PPM1H: variants seen among roughly 807,000 people sequenced by gnomAD.
PPM1H encodes protein phosphatase, Mg2+/Mn2+ dependent 1H.
In PPM1H, 27 loss-of-function variants were observed where a neutral mutation model predicts 54.9. The ratio of observed to expected loss-of-function variants is 0.49; its 90% confidence interval spans 0.36 to 0.68. The LOEUF (loss-of-function observed/expected upper bound fraction) is 0.68, where lower values mean the gene tolerates loss of function less well. Ranked by LOEUF, PPM1H falls within the 30% of genes least tolerant of loss-of-function variation. The pLI is 0.00. For missense variants in PPM1H, 596 were observed against 667.8 expected, an observed-to-expected ratio of 0.89 and a Z score of 1.19; for synonymous variants, 305 against 270.8, an observed-to-expected ratio of 1.13 and a Z score of -1.24.
intron 4 of PPM1H, among the ~76,000 whole-genome samples, chr12:62,746,442 G>A (rs1199065939): frequency 2.0e-5 from 3 of 152,100 alleles, no homozygotes; most frequent in Non-Finnish European, 2.9e-5. Context: ...AACCACCACT[G>A]ACAACTCAAT....
chr12:62,745,719 G>A (rs989593835), intron 4 of PPM1H, among the ~76,000 whole-genome samples: 1 of 152,192 alleles, frequency 6.6e-6, no homozygotes, highest in Non-Finnish European at 1.5e-5. Context: ...AAAACTGTCT[G>A]TACTTTTCTA....
chr12:62,725,676 A>G (rs974689104), intron 5 of PPM1H, among the ~76,000 whole-genome samples: 5 of 152,150 alleles, frequency 3.3e-5, no homozygotes, highest in Non-Finnish European at 7.3e-5. Context: ...TCTCTTGTTT[A>G]TCTTGTCTTT....
chr12:62,654,286 A>G (rs7979878), intron 9 of PPM1H, among the ~76,000 whole-genome samples: 58,245 of 148,920 alleles, frequency 0.39, 11,807 homozygotes, highest in Middle Eastern at 0.43. Flanking sequence ...AGGTCTCAGG[A>G]GATAGGCGAG....
chr12:62,760,451 G>C (rs1184985387), intron 4 of PPM1H, among the ~76,000 whole-genome samples: 2 of 152,004 alleles, frequency 1.3e-5, no homozygotes, highest in Non-Finnish European at 2.9e-5. Context: ...GTTGAATCAG[G>C]CTCCAACTCT....
chr12:62,690,933 T>C lies in PPM1H; in HGVS notation c.1138-1127A>G, dbSNP rs117289745. Among the ~76,000 whole-genome samples the C allele has an allele frequency of 8.9e-3, 1,349 of 152,308 alleles. 13 individuals carry two copies. Among genetic ancestry groups the C allele is most frequent in the Middle Eastern group, 0.024 (7 of 294 alleles). ...TTGCAGTGAATTGAGATCATGCCAC[T>C]GCAGTCTAGCCTGGGTGACACAGTG... On this transcript the variant is annotated intron_variant, in intron 7 of 9. Coordinates refer to ENST00000228705, the MANE Select transcript of PPM1H (RefSeq NM_020700.2).
At chr12:62,880,101 GGA>G (rs933587656) in intron 1 of PPM1H, among the ~76,000 whole-genome samples, 155 of 152,150 alleles carry the variant, frequency 1.0e-3, no homozygotes, top group Middle Eastern at 6.8e-3. Context: ...CTCATTGAAA[GGA>G]GAGAGAGAGA....
At chr12:62,662,877 A>G (rs866978083) in intron 9 of PPM1H, among the ~76,000 whole-genome samples, 1 of 152,176 alleles carries the variant, frequency 6.6e-6, no homozygotes, top group African/African-American at 2.4e-5. Context: ...AGTAACCATT[A>G]TCTTGAATTT....
intron 2 of PPM1H, 69 bp downstream of exon 2, chr12:62,832,045 G>A (rs2120857856): frequency 1.3e-6 from 2 of 1,536,952 alleles, no homozygotes; most frequent in Non-Finnish European, 1.8e-6. Flanking sequence ...AAGCCCTAAT[G>A]TCTTCCAGTG....
intron 3 of PPM1H, among the ~76,000 whole-genome samples, chr12:62,794,264 T>C (rs1474109933): frequency 6.6e-6 from 1 of 152,206 alleles, no homozygotes; most frequent in African/African-American, 2.4e-5. Flanking sequence ...AAGACAGCTA[T>C]GTGGGTTCCC....
chr12:62,737,702 A>G, intron 4 of PPM1H, 116 bp from the exon 5 acceptor site: 1 of 668,388 alleles, frequency 1.5e-6, no homozygotes, highest in Non-Finnish European at 2.4e-6. Flanking sequence ...TTGTTTTCCC[A>G]CTTGCATGGC....
chr12:62,895,495 T>C (rs1565822582), intron 1 of PPM1H, among the ~76,000 whole-genome samples: 1 of 152,216 alleles, frequency 6.6e-6, no homozygotes, highest in East Asian at 1.9e-4. Flanking sequence ...AGAAAGCAAA[T>C]TCTACTGCCC....
chr12:62,856,595 A>G (rs1869398397), intron 1 of PPM1H, among the ~76,000 whole-genome samples: 2 of 152,362 alleles, frequency 1.3e-5, no homozygotes, highest in African/African-American at 4.8e-5. Flanking sequence ...ATACAACAAA[A>G]TGATAAATGT....
chr12:62,852,118 A>G (rs1185736148), intron 1 of PPM1H, among the ~76,000 whole-genome samples: 1 of 149,796 alleles, frequency 6.7e-6, no homozygotes, highest in Non-Finnish European at 1.5e-5. Context: ...AATCCCAGCT[A>G]TTCAGGAGGC....
At chr12:62,858,727 T>C (rs1052007783) in intron 1 of PPM1H, among the ~76,000 whole-genome samples, 5 of 152,346 alleles carry the variant, frequency 3.3e-5, no homozygotes, top group African/African-American at 1.2e-4. Context: ...CTTAAGGCTT[T>C]AAGCAAATAA....
Position 62,871,902 on chromosome 12 carries a change from G to T in PPM1H, c.246-39623C>A, listed in dbSNP as rs1396308130. Among the ~76,000 whole-genome samples the T allele has an allele frequency of 2.0e-5, 3 of 152,160 alleles. No homozygotes were observed. In the East Asian group the frequency reaches 5.8e-4, roughly 29 times the overall value. On this transcript the variant is annotated intron_variant, in intron 1 of 9. Coordinates refer to ENST00000228705, the MANE Select transcript of PPM1H (RefSeq NM_020700.2). ...AAAAACAAAAAAGAACACATGGATG[G>T]CACAGGGCAGGTCTGTGGCATCTGT... is the stretch of plus-strand genomic sequence containing the variant.
chr12:62,862,230 G>A (rs150986344), intron 1 of PPM1H, among the ~76,000 whole-genome samples: 11 of 152,280 alleles, frequency 7.2e-5, no homozygotes, highest in African/African-American at 2.2e-4. Flanking sequence ...AGAAGTCGGG[G>A]GTTAGGATAT....
intron 5 of PPM1H, among the ~76,000 whole-genome samples, chr12:62,727,192 C>T (rs1163598978): frequency 1.3e-5 from 2 of 152,176 alleles, no homozygotes; most frequent in South Asian, 2.1e-4. Context: ...AGCCATGAGC[C>T]ACCATGCCCG....
intron 2 of PPM1H, among the ~76,000 whole-genome samples, chr12:62,815,094 G>C (rs1200101564): frequency 6.6e-6 from 1 of 152,134 alleles, no homozygotes; most frequent in Non-Finnish European, 1.5e-5. Context: ...AAACATTTGA[G>C]TGACTTCATG....
chr12:62,854,090 C>T (rs578000680), intron 1 of PPM1H, among the ~76,000 whole-genome samples: 2 of 152,240 alleles, frequency 1.3e-5, no homozygotes, highest in African/African-American at 4.8e-5. Context: ...ACAACAAAAA[C>T]CGTCATTTTC....
Sources: allele counts gnomAD v4.1 joint callset (sites outside exome capture counted in the v4.1 genomes callset), GRCh38; gene constraint gnomAD v4.1.1; transcripts MANE v1.5; gene names NCBI Gene and HGNC (gene_info 2026-07-23, HGNC 2026-07-21).